NT5DC3: variants seen among roughly 807,000 people sequenced by gnomAD.
The protein encoded by NT5DC3 is 5'-nucleotidase domain containing 3, also known as 5'-nucleotidase domain-containing protein 3.
Under a neutral mutation model 67.8 loss-of-function variants are expected in NT5DC3, and 42 were observed. The observed-to-expected ratio is 0.62, with a 90% CI of 0.48 to 0.80. The LOEUF is 0.80. Ranked by LOEUF, NT5DC3 falls within the 30% of genes least tolerant of loss-of-function variation. NT5DC3 has a pLI of 0.00. For synonymous variants in NT5DC3, 237 were observed against 255.6 expected (o/e 0.93, Z 0.69); for missense variants, 570 against 696.4 (o/e 0.82, Z 2.04).
rs376695299 is a variant in NT5DC3, at chr12:103,794,150, TC to T, written c.754-154del. ...TCTAAATTCTGGTCCATTTTCTTCT[TC>T]TTTTTTTTTTTTTTTTGAGACAGAG... On this transcript the variant is annotated intron_variant, in intron 6 of 13. Coordinates refer to ENST00000392876, the MANE Select transcript of NT5DC3 (RefSeq NM_001031701.3). 1.3e-4 allele frequency among the ~76,000 whole-genome samples: 18 copies of T among 133,968 alleles called. 2 individuals are homozygous for T. Among genetic ancestry groups the T allele is most frequent in the Admixed American group, 1.6e-4 (2 of 12,870 alleles). 87.9% of individuals were successfully genotyped at this position (133,968 alleles called of 152,430 possible).
the NT5DC3 span, among the ~76,000 whole-genome samples, chr12:103,764,303 CT>C: frequency 1.1e-4 from 16 of 152,250 alleles, no homozygotes; most frequent in Admixed American, 3.3e-4. Context: ...CAAGATTTTA[CT>C]GCTTGTTGTC....
chr12:103,770,274 A>G (rs1409090045), downstream of NT5DC3, among the ~76,000 whole-genome samples: 1 of 152,250 alleles, frequency 6.6e-6, no homozygotes, highest in Non-Finnish European at 1.5e-5. Flanking sequence ...AGAAATGTAT[A>G]TATAATGTTC....
At chr12:103,810,502 G>C (rs532975172) in intron 2 of NT5DC3, among the ~76,000 whole-genome samples, 2 of 152,354 alleles carry the variant, frequency 1.3e-5, no homozygotes, top group East Asian at 1.9e-4. Context: ...CCAAGGTGAA[G>C]TATTATGGAG....
At chr12:103,814,856 C>T in intron 2 of NT5DC3, 81 bp downstream of exon 2, 2 of 975,718 alleles carry the variant, frequency 2.0e-6, no homozygotes, top group Non-Finnish European at 2.9e-6. Flanking sequence ...TTCTCTGTGG[C>T]AGACTTGGGG....
At chr12:103,803,761 T>C (rs981253793) in intron 4 of NT5DC3, among the ~76,000 whole-genome samples, 1 of 152,138 alleles carries the variant, frequency 6.6e-6, no homozygotes, top group African/African-American at 2.4e-5. Flanking sequence ...TTGCTAAGGA[T>C]AATGGCCTCC....
the NT5DC3 span, among the ~76,000 whole-genome samples, chr12:103,762,654 C>G: frequency 2.6e-5 from 4 of 152,180 alleles, no homozygotes; most frequent in African/African-American, 4.8e-5. Flanking sequence ...GAGAACCCAC[C>G]CTGAGCCTCT....
chr12:103,765,671 C>T (rs1437068828), downstream of NT5DC3, among the ~76,000 whole-genome samples: 1 of 152,176 alleles, frequency 6.6e-6, no homozygotes, highest in African/African-American at 2.4e-5. Flanking sequence ...CCACCTCAGC[C>T]TCCCGAGTAG....
At chr12:103,761,212 G>C in the NT5DC3 span, 5 of 1,230,350 alleles carry the variant, frequency 4.1e-6, no homozygotes, top group Non-Finnish European at 5.9e-6. Flanking sequence ...ATGGGCTCAG[G>C]GGCCTTGGGA....
chr12:103,830,248 A>T lies in NT5DC3; in HGVS notation c.208+10701T>A, dbSNP rs1593439687. ...AGGTCACATGGCTTATAAATGGTGA[A>T]GTTAAGATTTGATCCCAGGTATGTT... On this transcript the variant is annotated intron_variant, in intron 1 of 13. Coordinates refer to ENST00000392876, the MANE Select transcript of NT5DC3 (RefSeq NM_001031701.3). 2.6e-5 allele frequency among the ~76,000 whole-genome samples: 4 copies of T among 152,254 alleles called. No individual in the cohort carries two copies. The South Asian group carries it at 8.3e-4, about 31-fold the overall frequency.
At chr12:103,746,549 A>AAGT in the NT5DC3 span, 1 of 1,587,264 alleles carries the variant, frequency 6.3e-7, no homozygotes, top group Non-Finnish European at 8.6e-7. Flanking sequence ...ATGGGTTTTA[A>AAGT]CTCTTCACAC....
chr12:103,830,506 G>C (rs4964605), intron 1 of NT5DC3, among the ~76,000 whole-genome samples: 27,623 of 152,004 alleles, frequency 0.18, 2,647 homozygotes, highest in Middle Eastern at 0.31. Context: ...ACTCCAATTA[G>C]ACATATGTTT....
At chr12:103,781,996 C>T (rs966128802) in intron 12 of NT5DC3, among the ~76,000 whole-genome samples, 2 of 152,194 alleles carry the variant, frequency 1.3e-5, no homozygotes, top group Non-Finnish European at 2.9e-5. Context: ...GCCACCGGCC[C>T]ATTTTTCTAT....
intron 4 of NT5DC3, among the ~76,000 whole-genome samples, chr12:103,804,719 T>G (rs981036528): frequency 2.0e-5 from 3 of 151,962 alleles, no homozygotes; most frequent in Non-Finnish European, 2.9e-5. Context: ...AACAAAATAT[T>G]GTACAAGAAA....
intron 9 of NT5DC3, 68 bp downstream of exon 9, chr12:103,793,096 A>G: frequency 8.9e-7 from 1 of 1,117,464 alleles, no homozygotes; most frequent in Non-Finnish European, 1.3e-6. Flanking sequence ...TTTTACCAAG[A>G]CACACCATCT....
chr12:103,793,957 C>G lies in NT5DC3; in HGVS notation c.794G>C (p.Arg265Thr). The part of the protein sequence containing the change: ...RDVHIKGIMY[R>T]AIEADIEKYI... ...CATACCAATGTCTGCTTCAATTGCTCTGTACATTATTCCTTTGATGTGGAC... is the reference window on the plus strand; with the variant it reads ...CATACCAATGTCTGCTTCAATTGCTGTGTACATTATTCCTTTGATGTGGAC... The change falls in exon 7 of 14, where the codon AGA becomes ACA. Residue 265 changes from arginine (R) to threonine (T), a missense_variant. By Grantham distance (71) the Arg-to-Thr change is moderately conservative. Coordinates refer to ENST00000392876, the MANE Select transcript of NT5DC3 (RefSeq NM_001031701.3). 6.2e-7 allele frequency: 1 copy of G among 1,613,390 alleles called. No individual in the cohort carries two copies. Among genetic ancestry groups the G allele is most frequent in the East Asian group, 2.2e-5 (1 of 44,868 alleles).
Position 103,793,946 on chromosome 12 carries a change from C to T in NT5DC3, c.805G>A (p.Ala269Thr). Residue 269 changes from alanine (A) to threonine (T), a missense_variant, in exon 7 of 14, where the codon GCA becomes ACA. Ala to Thr is a moderately conservative substitution (Grantham distance 58). Coordinates refer to ENST00000392876, the MANE Select transcript of NT5DC3 (RefSeq NM_001031701.3). ...ACTGCTGAGCACATACCAATGTCTG[C>T]TTCAATTGCTCTGTACATTATTCCT... Reference protein sequence around the residue: ...IKGIMYRAIEADIEKYICYAE... With the variant: ...IKGIMYRAIETDIEKYICYAE... 1 of 1,612,262 alleles carries T rather than the reference C, an allele frequency of 6.2e-7. No homozygotes were observed. The highest frequency in any genetic ancestry group is 8.5e-7 in the Non-Finnish European group (1 of 1,178,326).
the NT5DC3 span, chr12:103,746,323 T>G: frequency 3.6e-6 from 1 of 277,852 alleles, no homozygotes; most frequent in Admixed American, 4.7e-5. Context: ...AGTTTTGTGG[T>G]ATAAAGTTTT....
intron 9 of NT5DC3, among the ~76,000 whole-genome samples, chr12:103,792,031 C>T (rs189120381): frequency 1.8e-3 from 269 of 152,268 alleles, no homozygotes; most frequent in African/African-American, 5.9e-3. Context: ...CTCTAATAAG[C>T]GCTTTGCACT....
chr12:103,800,983 G>A (rs187936462), intron 4 of NT5DC3, among the ~76,000 whole-genome samples: 1 of 152,282 alleles, frequency 6.6e-6, no homozygotes, highest in East Asian at 1.9e-4. Flanking sequence ...ACTATAGAGA[G>A]GCTTCACTAG....
Sources: allele counts gnomAD v4.1 joint callset (sites outside exome capture counted in the v4.1 genomes callset), GRCh38; gene constraint gnomAD v4.1.1; transcripts MANE v1.5; gene names NCBI Gene and HGNC (gene_info 2026-07-23, HGNC 2026-07-21).